The following FBLN5 variants were observed in gnomAD, a reference collection of about 807,000 sequenced individuals.
FBLN5 encodes the protein fibulin 5.
FBLN5 carries 24 observed loss-of-function variants against 61.6 expected under a neutral mutation model. The ratio of observed to expected loss-of-function variants is 0.39; its 90% CI spans 0.28 to 0.55. The LOEUF is 0.55. FBLN5 is among the 20% of genes least tolerant of loss of function. The pLI is 0.65. For missense variants in FBLN5, 470 were observed against 594.1 expected, an observed-to-expected ratio of 0.79 and a Z score of 2.17; for synonymous variants, 213 against 219.8, an observed-to-expected ratio of 0.97 and a Z score of 0.27.
rs754835199 is a variant in FBLN5, at chr14:91,947,180, T to A, written c.17+33A>T. 1 of 1,614,002 alleles carries A rather than the reference T, an allele frequency of 6.2e-7. No homozygotes were observed. On this transcript the variant is annotated intron_variant, in intron 1 of 10. Coordinates refer to ENST00000342058, the MANE Select transcript of FBLN5 (RefSeq NM_006329.4). The surrounding 1 kb of genome is among the most constrained non-coding windows in gnomAD (Gnocchi z 4.3). ...GATTTTTAGCAAGGCTTCCAGACCC[T>A]GGAGAAAGAAAAGTCCAGCGCCGAG...
chr14:91,905,635 A>G lies in FBLN5; in HGVS notation c.380-10563T>C, dbSNP rs1028612728. On this transcript the variant is annotated intron_variant, in intron 4 of 10. Coordinates refer to ENST00000342058, the MANE Select transcript of FBLN5 (RefSeq NM_006329.4). ...TAACTCTGTCGCCAGGCTGGAGTGCAGTGGTGTGATCTCGGCTCACTGCAA... is the reference window on the plus strand; with the variant it reads ...TAACTCTGTCGCCAGGCTGGAGTGCGGTGGTGTGATCTCGGCTCACTGCAA... Among the ~76,000 whole-genome samples, 3 of 147,814 alleles carry G rather than the reference A, an allele frequency of 2.0e-5. No individual in the cohort carries two copies. The Admixed American group carries it at 2.0e-4, about 10-fold the overall frequency.
intron 7 of FBLN5, among the ~76,000 whole-genome samples, chr14:91,883,361 A>C (rs777490984): frequency 6.6e-6 from 1 of 152,114 alleles, no homozygotes; most frequent in South Asian, 2.1e-4. Context: ...ACTCGGCTGC[A>C]CCTTCCATTC....
At chr14:91,912,281 G>A (rs1327930643) in intron 4 of FBLN5, among the ~76,000 whole-genome samples, 1 of 152,224 alleles carries the variant, frequency 6.6e-6, no homozygotes, top group African/African-American at 2.4e-5. Flanking sequence ...AGGATCACGT[G>A]AGGCCAGGAG....
At chr14:91,878,241 AC>A (rs1309182591) in intron 9 of FBLN5, among the ~76,000 whole-genome samples, 6 of 152,218 alleles carry the variant, frequency 3.9e-5, no homozygotes, top group African/African-American at 1.2e-4. Context: ...GTGACATTGG[AC>A]ATTTTGGAAA....
chr14:91,918,972 A>G (rs1335135680), intron 4 of FBLN5, among the ~76,000 whole-genome samples: 1 of 152,196 alleles, frequency 6.6e-6, no homozygotes, highest in Non-Finnish European at 1.5e-5. Flanking sequence ...GCTTGGGATG[A>G]GATCAGTAAA....
chr14:91,883,554 C>T (rs745464884), intron 7 of FBLN5, among the ~76,000 whole-genome samples: 6 of 149,954 alleles, frequency 4.0e-5, no homozygotes, highest in Admixed American at 6.7e-5. Context: ...CACCTCTTTC[C>T]CCAACTTCAG....
At chr14:91,891,120 C>T (rs1566806395) in intron 6 of FBLN5, 101 bp downstream of exon 6, 11 of 785,534 alleles carry the variant, frequency 1.4e-5, no homozygotes, top group East Asian at 2.4e-5. Context: ...TGGGAATATA[C>T]TGTAGCAGCA....
rs114910969 is a variant in FBLN5 at position 91,916,370 on chromosome 14, G to A, written c.379+20577C>T. On this transcript the variant is annotated intron_variant, in intron 4 of 10. Coordinates refer to ENST00000342058, the MANE Select transcript of FBLN5 (RefSeq NM_006329.4). The stretch of plus-strand genomic sequence containing the variant: ...GGCTGAGACAGAGAATCGCTTGAAC[G>A]TGGGAGGCGGAGGTTGCCGTGAGAG... 3.7e-3 allele frequency among the ~76,000 whole-genome samples: 565 copies of A among 152,236 alleles called. 3 individuals carry two copies. The highest frequency in any genetic ancestry group is 0.013 in the African/African-American group (534 of 41,530).
chr14:91,893,517 C>T (rs1023683840), intron 5 of FBLN5, among the ~76,000 whole-genome samples: 4 of 152,208 alleles, frequency 2.6e-5, no homozygotes, highest in South Asian at 2.1e-4. Context: ...TCCATGATTT[C>T]GTTTGGATCT....
chr14:91,902,980 C>T (rs1187292949), intron 4 of FBLN5, among the ~76,000 whole-genome samples: 1 of 152,146 alleles, frequency 6.6e-6, no homozygotes, highest in African/African-American at 2.4e-5. Flanking sequence ...GGGAACTATG[C>T]TCAGTACCTG....
At chr14:91,904,596 C>T (rs576285913) in intron 4 of FBLN5, among the ~76,000 whole-genome samples, 6 of 152,332 alleles carry the variant, frequency 3.9e-5, no homozygotes, top group East Asian at 1.9e-4. Context: ...TCCCAGTTCT[C>T]GAGGCTGGAA....
chr14:91,917,251 G>A (rs914149002), intron 4 of FBLN5, among the ~76,000 whole-genome samples: 2 of 152,236 alleles, frequency 1.3e-5, no homozygotes, highest in African/African-American at 4.8e-5. Context: ...AGGCATGTCT[G>A]AAGCTAGTTC....
chr14:91,905,824 C>A (rs1051380415), intron 4 of FBLN5, among the ~76,000 whole-genome samples: 1 of 151,850 alleles, frequency 6.6e-6, no homozygotes, highest in Non-Finnish European at 1.5e-5. Flanking sequence ...GTGATCTGCC[C>A]GCCTCGACCT....
At chr14:91,939,737 C>T (rs1295961532) in intron 3 of FBLN5, 2 of 310,468 alleles carry the variant, frequency 6.4e-6, no homozygotes, top group African/African-American at 2.2e-5. Context: ...GAGAATGACC[C>T]CCACAAACAC....
intron 7 of FBLN5, among the ~76,000 whole-genome samples, chr14:91,886,186 T>G (rs543703863): frequency 6.6e-6 from 1 of 152,366 alleles, no homozygotes; most frequent in Non-Finnish European, 1.5e-5. Context: ...TATGGCCCAC[T>G]TATTTTGAAA....
chr14:91,909,210 C>T (rs1477667059), intron 4 of FBLN5, among the ~76,000 whole-genome samples: 8 of 152,286 alleles, frequency 5.3e-5, no homozygotes, highest in Non-Finnish European at 8.8e-5. Flanking sequence ...AGCCACCGCG[C>T]CCGGCCAGGA....
chr14:91,947,362 C>T lies in FBLN5; in HGVS notation c.-133G>A. Reference sequence around the variant, plus strand: ...GGTGTTTTATTCCAGAGGGGCCGAGCGAGTCGTGGAGAGGACACGGGGAGA... The same window carrying T: ...GGTGTTTTATTCCAGAGGGGCCGAGTGAGTCGTGGAGAGGACACGGGGAGA... On this transcript the variant is annotated 5_prime_UTR_variant, in exon 1 of 11. Coordinates refer to ENST00000342058, the MANE Select transcript of FBLN5 (RefSeq NM_006329.4). This position sits in a 1 kb window ranked among gnomAD's most constrained non-coding sequence, Gnocchi z 4.3. The T allele has an allele frequency of 9.7e-7, 1 of 1,032,190 alleles. No individual in the cohort carries two copies. Among genetic ancestry groups the T allele is most frequent in the Non-Finnish European group, 1.5e-6 (1 of 670,678 alleles). The allele number at this position is 1,032,190 out of a possible 1,614,324, so 63.9% of individuals were successfully genotyped here.
chr14:91,915,487 T>C (rs1000494733), intron 4 of FBLN5, among the ~76,000 whole-genome samples: 5 of 151,742 alleles, frequency 3.3e-5, no homozygotes, highest in Non-Finnish European at 7.4e-5. Flanking sequence ...AGATCGAGAC[T>C]ATCCTGGCTA....
chr14:91,939,023 T>C (rs1186214175), intron 3 of FBLN5, among the ~76,000 whole-genome samples: 1 of 152,232 alleles, frequency 6.6e-6, no homozygotes. Flanking sequence ...GACAGGGTTT[T>C]ATTCCTCACT....
Sources: allele counts gnomAD v4.1 joint callset (sites outside exome capture counted in the v4.1 genomes callset), GRCh38; gene constraint gnomAD v4.1.1; non-coding constraint Gnocchi (gnomAD v3.1); transcripts MANE v1.5; gene names NCBI Gene and HGNC (gene_info 2026-07-23, HGNC 2026-07-21).